Variants in NUDT13 observed in about 807,000 individuals in gnomAD.
NUDT13 encodes the protein nudix hydrolase 13.
NUDT13 carries 40 observed loss-of-function variants against 41.7 expected under a neutral mutation model. The observed-to-expected ratio is 0.96, with a 90% confidence interval of 0.75 to 1.25. The LOEUF is 1.25. Ranked by LOEUF, NUDT13 falls within the 50% of genes most tolerant of loss-of-function variation. The pLI is 0.00. For missense variants in NUDT13, 390 were observed against 416.1 expected (o/e 0.94, Z 0.55); for synonymous variants, 145 against 155.5 (o/e 0.93, Z 0.50).
rs534745543 is a variant in NUDT13 at position 73,123,324 on chromosome 10, T to G, written c.359-890T>G. On this transcript the variant is annotated intron_variant, in intron 4 of 8. Transcript: ENST00000357321. The stretch of plus-strand genomic sequence containing the variant: ...TAGCTCTGGGTCCACAGACCTGCCA[T>G]TGGGAACCACTTTGCTATTGGCTCA... Among the ~76,000 whole-genome samples the G allele has an allele frequency of 1.2e-4, 19 of 152,324 alleles. No individual in the cohort carries two copies. In the South Asian group the frequency reaches 3.3e-3, roughly 27 times the overall value.
At chr10:73,112,250 G>A (rs28548633) in intron 1 of NUDT13, among the ~76,000 whole-genome samples, 10,761 of 152,190 alleles carry the variant, frequency 0.071, 636 homozygotes, top group East Asian at 0.3. Context: ...CTACTCGAGA[G>A]GCTGAGGCAG....
At chr10:73,126,601 T>C (rs1842787243) in intron 7 of NUDT13, 72 bp from the exon 8 acceptor site, 2 of 1,543,542 alleles carry the variant, frequency 1.3e-6, no homozygotes, top group African/African-American at 1.4e-5. Flanking sequence ...GTTGTGCACC[T>C]TTCTCAAATG....
chr10:73,114,217 A>G (rs1842441450), intron 1 of NUDT13, 140 bp from the exon 2 acceptor site: 1 of 385,322 alleles, frequency 2.6e-6, no homozygotes, highest in Non-Finnish European at 4.6e-6. Context: ...AAACAAGATC[A>G]CCTGACTCCT....
Position 73,125,186 on chromosome 10 carries a change from G to A in NUDT13, c.534G>A (p.Lys178=). 1 of 1,613,648 alleles carries A rather than the reference G, an allele frequency of 6.2e-7. No homozygotes were observed. The highest frequency in any genetic ancestry group is 8.5e-7 in the Non-Finnish European group (1 of 1,179,882). ...GCAGAAGTGGGCAGCCCACCAAGAA[G>A]AACGTGGCTGGCAGCAAGCGTGTGT... The part of the protein sequence containing the change: ...FCSRSGQPTK[K]NVAGSKRVCP... The change falls in exon 6 of 9, where the codon AAG becomes AAA. Residue 178 remains lysine (K), a synonymous_variant. Coordinates refer to ENST00000357321, the MANE Select transcript of NUDT13 (RefSeq NM_015901.6).
intron 2 of NUDT13, among the ~76,000 whole-genome samples, chr10:73,116,494 AGCACTTTGGGAAGCCAAG>A (rs1842512466): frequency 6.6e-6 from 1 of 152,164 alleles, no homozygotes; most frequent in Non-Finnish European, 1.5e-5. Flanking sequence ...CTGTAATCCC[AGCACTTTGGGAAGCCAAG>A]GCGGGCAGAT....
chr10:73,120,968 T>C (rs1319065892), intron 3 of NUDT13, among the ~76,000 whole-genome samples: 1 of 152,018 alleles, frequency 6.6e-6, no homozygotes, highest in East Asian at 1.9e-4. Flanking sequence ...CATCATAACT[T>C]CATTTTTACT....
intron 4 of NUDT13, among the ~76,000 whole-genome samples, chr10:73,123,573 AAT>A (rs1842698043): frequency 6.6e-6 from 1 of 152,172 alleles, no homozygotes; most frequent in South Asian, 2.1e-4. Flanking sequence ...TTAAAACAAA[AAT>A]AGAGATTGCT....
At position 73,130,825 on chromosome 10, in the gene NUDT13, G is replaced by GCC. The variant is rs11381190; in HGVS notation, c.985_986dup (p.Lys330LeufsTer3). The stretch of plus-strand genomic sequence containing the variant: ...AGAATGGGACTTTCCCATTCTGGCT[G>GCC]CCCCCTAAGTTAGCCATCTCCCACC... On this transcript the variant is annotated frameshift_variant, in exon 9 of 9. Transcript: ENST00000357321. LOFTEE classifies it high-confidence loss of function. 3 of 1,613,790 alleles carry GCC rather than the reference G, an allele frequency of 1.9e-6. No individual in the cohort carries two copies. The African/African-American group carries it at 4.0e-5, about 22-fold the overall frequency.
intron 8 of NUDT13, among the ~76,000 whole-genome samples, chr10:73,128,436 T>C (rs1027474342): frequency 6.6e-6 from 1 of 152,204 alleles, no homozygotes; most frequent in Non-Finnish European, 1.5e-5. Context: ...TATGAGTTAA[T>C]AGTAGCCATC....
intron 8 of NUDT13, among the ~76,000 whole-genome samples, chr10:73,127,555 T>G (rs987614979): frequency 1.3e-5 from 2 of 151,212 alleles, no homozygotes; most frequent in Non-Finnish European, 2.9e-5. Context: ...CAGCCTGGAG[T>G]GCAGTGGCGC....
rs539218777 is a variant in NUDT13 at position 73,124,137 on chromosome 10, T to A, written c.359-77T>A. On this transcript the variant is annotated intron_variant, in intron 4 of 8. Coordinates refer to ENST00000357321, the MANE Select transcript of NUDT13 (RefSeq NM_015901.6). ...GAGGCAAGTTTGGGAAACACTATTT[T>A]AACAGGATAGACTGGAGAGAGGCCC... 784 of 995,982 alleles carry A rather than the reference T, an allele frequency of 7.9e-4. 11 individuals carry two copies. In the South Asian group the frequency reaches 0.01, roughly 13 times the overall value. The allele number at this position is 995,982 out of a possible 1,614,324, so 61.7% of individuals were successfully genotyped here.
chr10:73,124,499 C>T (rs1730769748), intron 5 of NUDT13, 179 bp downstream of exon 5: 1 of 550,890 alleles, frequency 1.8e-6, no homozygotes, highest in Non-Finnish European at 3.2e-6. Flanking sequence ...CCTTCTTCTG[C>T]CCTTGTTTTT....
chr10:73,111,398 G>C (rs1460063254), intron 1 of NUDT13, among the ~76,000 whole-genome samples: 1 of 149,468 alleles, frequency 6.7e-6, no homozygotes, highest in Non-Finnish European at 1.5e-5. Context: ...TTTTGAGACG[G>C]AGTCTCGCTC....
intron 2 of NUDT13, among the ~76,000 whole-genome samples, chr10:73,117,112 T>C (rs1291514525): frequency 1.9e-4 from 29 of 151,012 alleles, no homozygotes; most frequent in Admixed American, 1.8e-3. Context: ...CTGGATCTCT[T>C]GACCTTGTGA....
Position 73,130,804 on chromosome 10 carries a change from T to C in NUDT13, c.960T>C (p.Asn320=). Reference sequence around the variant, plus strand: ...AGGGCCCCTATACTCAGCAACAGAATGGGACTTTCCCATTCTGGCTGCCCC... The same window carrying C: ...AGGGCCCCTATACTCAGCAACAGAACGGGACTTTCCCATTCTGGCTGCCCC... ...KRKGPYTQQQ[N]GTFPFWLPPK... The change falls in exon 9 of 9, where the codon AAT becomes AAC. Residue 320 remains asparagine, a synonymous_variant. Transcript: ENST00000357321. The C allele has an allele frequency of 6.2e-7, 1 of 1,613,394 alleles. No individual in the cohort carries two copies. Among genetic ancestry groups the C allele is most frequent in the South Asian group, 1.1e-5 (1 of 91,070 alleles).
At position 73,120,098 on chromosome 10, in the gene NUDT13, T is replaced by C; in HGVS notation, c.164T>C (p.Leu55Pro). The C allele has an allele frequency of 6.2e-7, 1 of 1,614,224 alleles. No individual in the cohort carries two copies. ...GGAGCGTTTTACCTCTTTCATAGTC[T>C]GGCTCCTCTGCTTCAGACTTCAGCA... ...QTGAFYLFHS[L>P]APLLQTSAHQ... Residue 55 changes from leucine (L) to proline (P), a missense_variant, in exon 3 of 9, where the codon CTG becomes CCG. Transcript: ENST00000357321.
chr10:73,122,013 A>T (rs549876573), intron 3 of NUDT13, among the ~76,000 whole-genome samples, 162 bp from the exon 4 acceptor site: 1 of 152,322 alleles, frequency 6.6e-6, no homozygotes, highest in South Asian at 2.1e-4. Context: ...GGAGAGGTTA[A>T]ATGGTTAGAC....
At chr10:73,129,259 G>A (rs1013222653) in intron 8 of NUDT13, among the ~76,000 whole-genome samples, 2 of 140,586 alleles carry the variant, frequency 1.4e-5, no homozygotes, top group Non-Finnish European at 3.0e-5. Flanking sequence ...TGCAACCTTC[G>A]CCTCCCAGGT....
intron 5 of NUDT13, 90 bp from the exon 6 acceptor site, chr10:73,125,026 CTG>C (rs1842735638): frequency 2.1e-6 from 3 of 1,414,774 alleles, no homozygotes; most frequent in Non-Finnish European, 2.8e-6. Context: ...TGGCATTTTT[CTG>C]TGAGTTGTTC....
Sources: gnomAD v4.1 joint callset for allele counts (sites outside exome capture counted in the v4.1 genomes callset) on GRCh38, gnomAD v4.1.1 for gene constraint, MANE v1.5 for transcripts, NCBI Gene and HGNC (gene_info 2026-07-23, HGNC 2026-07-21) for gene names.